Variants in ZNF189 observed in about 807,000 individuals in gnomAD.
ZNF189 encodes the protein zinc finger protein 189.
A neutral mutation model predicts 53.5 loss-of-function variants in ZNF189; 33 were observed. The ratio of observed to expected loss-of-function variants is 0.62; its 90% CI spans 0.47 to 0.82. The LOEUF is 0.82. Ranked by LOEUF, ZNF189 falls within the 40% of genes least tolerant of loss-of-function variation. ZNF189 has a pLI of 0.00. For missense variants in ZNF189, 711 were observed against 753.9 expected (o/e 0.94, Z 0.67); for synonymous variants, 247 against 238.8 (o/e 1.03, Z -0.32).
intron 2 of ZNF189, among the ~76,000 whole-genome samples, chr9:101,405,768 A>G (rs946769471): frequency 2.0e-5 from 3 of 152,164 alleles, no homozygotes; most frequent in Non-Finnish European, 2.9e-5. Context: ...GCTGAATAAC[A>G]TAAGGACTGA....
Position 101,409,111 on chromosome 9 carries a change from A to G in ZNF189, c.1343A>G (p.Glu448Gly). The part of the protein sequence containing the change: ...DPNCSLVIQQ[E>G]VYPKEKSYKC... ...AATTGCAGTCTTGTTATACAGCAGG[A>G]AGTCTACCCTAAGGAGAAATCTTAT... is the stretch of plus-strand genomic sequence containing the variant. Residue 448 changes from glutamate (E) to glycine (G), a missense_variant, in exon 3 of 3, where the codon GAA becomes GGA. By Grantham distance (98) the Glu-to-Gly change is moderately conservative. Coordinates refer to ENST00000339664, the MANE Select transcript of ZNF189 (RefSeq NM_003452.4). 1 of 1,613,848 alleles carries G rather than the reference A, an allele frequency of 6.2e-7. No individual in the cohort carries two copies. Among genetic ancestry groups the G allele is most frequent in the Non-Finnish European group, 8.5e-7 (1 of 1,179,956 alleles).
intron 2 of ZNF189, among the ~76,000 whole-genome samples, chr9:101,404,478 C>A (rs893043890): frequency 1.3e-5 from 2 of 152,044 alleles, no homozygotes; most frequent in Admixed American, 6.6e-5. Context: ...ATCCTTTTGT[C>A]TTTCAGAAAA....
chr9:101,399,902 G>A lies in ZNF189; in HGVS notation c.52G>A (p.Asp18Asn), dbSNP rs1404059312. The A allele has an allele frequency of 1.9e-6, 3 of 1,614,054 alleles. No homozygotes were observed. Among genetic ancestry groups the A allele is most frequent in the Non-Finnish European group, 2.5e-6 (3 of 1,180,022 alleles). ...ATTTCAGGGGTTGCTGACATTTGAG[G>A]ATGTGGCTGTGTTTTTTACCCAGGA... is the stretch of plus-strand genomic sequence containing the variant. ...PESKGLLTFE[D>N]VAVFFTQEEW... Residue 18 changes from aspartate (D) to asparagine (N), a missense_variant, in exon 2 of 3, where the codon GAT (aspartate) becomes AAT (asparagine). Transcript: ENST00000339664.
At position 101,399,150 on chromosome 9, in the gene ZNF189, C is replaced by T. The variant is rs201212817; in HGVS notation, c.-7C>T. On this transcript the variant is annotated 5_prime_UTR_variant, in exon 1 of 3. Coordinates refer to ENST00000339664, the MANE Select transcript of ZNF189 (RefSeq NM_003452.4). ...CCCAATTCCTGCCCCTATTCTCTGC[C>T]TGGGAGATGGCTTCCCCGAGCCCCC... 486 of 1,592,830 alleles carry T rather than the reference C, an allele frequency of 3.1e-4. No homozygotes were observed. Among genetic ancestry groups the T allele is most frequent in the Non-Finnish European group, 3.8e-4 (438 of 1,161,442 alleles).
At chr9:101,406,291 A>G (rs1257027578) in intron 2 of ZNF189, among the ~76,000 whole-genome samples, 1 of 152,156 alleles carries the variant, frequency 6.6e-6, no homozygotes, top group African/African-American at 2.4e-5. Flanking sequence ...AAAATTGGAC[A>G]TATTTATGTA....
chr9:101,406,781 TGGAAAATCA>T (rs1830726720), intron 2 of ZNF189, among the ~76,000 whole-genome samples: 1 of 152,192 alleles, frequency 6.6e-6, no homozygotes, highest in Admixed American at 6.5e-5. Context: ...CAGCAAGAGA[TGGAAAATCA>T]GGAAGATGTC....
At position 101,409,297 on chromosome 9, in the gene ZNF189, G is replaced by T; in HGVS notation, c.1529G>T (p.Arg510Ile). 1 of 1,614,156 alleles carries T rather than the reference G, an allele frequency of 6.2e-7. No homozygotes were observed. Among genetic ancestry groups the T allele is most frequent in the South Asian group, 1.1e-5 (1 of 91,086 alleles). ...CATCAGAGAATCCACACTGGTGAGA[G>T]ACCCTATCTGTGCAGACAGTGTGGA... ...IEHQRIHTGE[R>I]PYLCRQCGKS... The change falls in exon 3 of 3, where the codon AGA becomes ATA. Residue 510 changes from arginine to isoleucine, a missense_variant. Coordinates refer to ENST00000339664, the MANE Select transcript of ZNF189 (RefSeq NM_003452.4).
chr9:101,409,920 G>A lies in ZNF189; in HGVS notation c.*271G>A. On this transcript the variant is annotated 3_prime_UTR_variant, in exon 3 of 3. Transcript: ENST00000339664. ...AGATTAAACCTAGGTTCAGAGCATG[G>A]GTGCTCTGAGGGACAAAGTTGGATT... is the stretch of plus-strand genomic sequence containing the variant. The A allele has an allele frequency of 3.0e-6, 1 of 337,146 alleles. No individual in the cohort carries two copies. The highest frequency in any genetic ancestry group is 5.4e-6 in the Non-Finnish European group (1 of 184,980). The allele number at this position is 337,146 out of a possible 1,614,324, so 20.9% of individuals were successfully genotyped here.
At chr9:101,404,453 A>C (rs1037656684) in intron 2 of ZNF189, among the ~76,000 whole-genome samples, 3 of 151,862 alleles carry the variant, frequency 2.0e-5, no homozygotes, top group Non-Finnish European at 2.9e-5. Context: ...CATTTGGTTG[A>C]CTCTGTTTAA....
rs762472303 is a variant in ZNF189 at position 101,409,459 on chromosome 9, G to C, written c.1691G>C (p.Gly564Ala). The change falls in exon 3 of 3, where the codon GGA (glycine) becomes GCA (alanine). Residue 564 changes from glycine to alanine, a missense_variant. Transcript: ENST00000339664. ...ATTCAGCATCAGAGAATACACACAG[G>C]AGAGAAACCTTATAAGTGTGAGAAG... is the stretch of plus-strand genomic sequence containing the variant. ...GLIQHQRIHTGEKPYKCEKCD... is the reference protein window; with the variant it reads ...GLIQHQRIHTAEKPYKCEKCD... The C allele has an allele frequency of 6.2e-7, 1 of 1,614,142 alleles. No homozygotes were observed. The highest frequency in any genetic ancestry group is 1.1e-5 in the South Asian group (1 of 91,074).
chr9:101,403,992 A>C (rs948807248), intron 2 of ZNF189, among the ~76,000 whole-genome samples: 2 of 152,164 alleles, frequency 1.3e-5, no homozygotes, highest in African/African-American at 4.8e-5. Flanking sequence ...AATTCTAGCT[A>C]CCTTCCGAAT....
Position 101,399,647 on chromosome 9 carries a change from ACT to A in ZNF189, c.34-236_34-235del, listed in dbSNP as rs1474802612. ...GCTTGGAGAGGCCTTGGGGCAGTTT[ACT>A]AAAATTAAACTCTCAGGGCATAATA... On this transcript the variant is annotated intron_variant, in intron 1 of 2. Transcript: ENST00000339664. 37 of 1,279,646 alleles carry A rather than the reference ACT, an allele frequency of 2.9e-5. No homozygotes were observed. In the African/African-American group the frequency reaches 5.5e-4, roughly 19 times the overall value. 79.3% of individuals were successfully genotyped at this position (1,279,646 alleles called of 1,614,324 possible). A position where few individuals can be genotyped will look rare whatever the true frequency, so the allele number is the denominator to read the frequency against.
intron 2 of ZNF189, among the ~76,000 whole-genome samples, chr9:101,401,863 C>T (rs187050123): frequency 8.5e-4 from 129 of 152,008 alleles, no homozygotes; most frequent in African/African-American, 3.0e-3. Context: ...GTACTCTTTC[C>T]TTGGGGGACC....
chr9:101,403,445 G>A (rs1334705557), intron 2 of ZNF189, among the ~76,000 whole-genome samples: 3 of 152,116 alleles, frequency 2.0e-5, no homozygotes, highest in Non-Finnish European at 4.4e-5. Flanking sequence ...CTGTTGCAAT[G>A]CAGTATTCTC....
In ZNF189 at chr9:101,408,973, G is replaced by A. The variant is rs1830830115; in HGVS notation, c.1205G>A (p.Cys402Tyr). ...CACACAGGAGACAAGCCCCATAAAT[G>A]TGAGGAATGTGGAAAAGCCTTTAGT... ...RIHTGDKPHK[C>Y]EECGKAFSRS... Residue 402 changes from cysteine (C) to tyrosine (Y), a missense_variant, in exon 3 of 3, where the codon TGT (cysteine) becomes TAT (tyrosine). Physicochemically the swap from Cys to Tyr is radical, Grantham distance 194. Coordinates refer to ENST00000339664, the MANE Select transcript of ZNF189 (RefSeq NM_003452.4). The A allele has an allele frequency of 6.2e-7, 1 of 1,613,994 alleles. No homozygotes were observed. The highest frequency in any genetic ancestry group is 8.5e-7 in the Non-Finnish European group (1 of 1,179,990).
Position 101,399,931 on chromosome 9 carries a change from G to C in ZNF189, c.81G>C (p.Glu27Asp). Residue 27 changes from glutamate to aspartate, a missense_variant, in exon 2 of 3, where the codon GAG (glutamate) becomes GAC (aspartate). Glu to Asp is a conservative substitution (Grantham distance 45, BLOSUM62 2). Transcript: ENST00000339664. Reference sequence around the variant, plus strand: ...TGGCTGTGTTTTTTACCCAGGAGGAGTGGGATTATCTGGACCCAGCTCAGA... The same window carrying C: ...TGGCTGTGTTTTTTACCCAGGAGGACTGGGATTATCTGGACCCAGCTCAGA... ...EDVAVFFTQEEWDYLDPAQRS... is the reference protein window; with the variant it reads ...EDVAVFFTQEDWDYLDPAQRS... 3 of 1,614,172 alleles carry C rather than the reference G, an allele frequency of 1.9e-6. No homozygotes were observed. Among genetic ancestry groups the C allele is most frequent in the Non-Finnish European group, 2.5e-6 (3 of 1,180,028 alleles).
intron 2 of ZNF189, among the ~76,000 whole-genome samples, chr9:101,403,065 C>G (rs1488567153): frequency 2.0e-5 from 3 of 151,704 alleles, no homozygotes; most frequent in Non-Finnish European, 4.4e-5. Flanking sequence ...TTCCTGCACA[C>G]CACTTTAGTC....
At chr9:101,402,436 G>A (rs189349801) in intron 2 of ZNF189, among the ~76,000 whole-genome samples, 11 of 152,316 alleles carry the variant, frequency 7.2e-5, no homozygotes. Flanking sequence ...ACACTAACAT[G>A]TAGTTAAGAA....
intron 2 of ZNF189, among the ~76,000 whole-genome samples, chr9:101,401,410 C>T (rs1830528494): frequency 6.6e-6 from 1 of 152,216 alleles, no homozygotes; most frequent in Non-Finnish European, 1.5e-5. Context: ...CATCTTCTCA[C>T]CTTTCCAGAA....
Sources: gnomAD v4.1 joint callset for allele counts (sites outside exome capture counted in the v4.1 genomes callset) on GRCh38, gnomAD v4.1.1 for gene constraint, MANE v1.5 for transcripts, NCBI Gene and HGNC (gene_info 2026-07-23, HGNC 2026-07-21) for gene names.